The following REPS1 variants were observed in gnomAD, a reference collection of about 807,000 sequenced individuals.
The protein encoded by REPS1 is ralBP1-associated Eps domain-containing protein 1.
Under a neutral mutation model 100.9 loss-of-function variants are expected in REPS1, and 39 were observed. That is an observed-to-expected ratio of 0.39 (90% CI 0.30 to 0.50). The LOEUF (loss-of-function observed/expected upper bound fraction) is 0.50, where lower values mean the gene tolerates loss of function less well. REPS1 is among the 20% of genes least tolerant of loss of function. The pLI, the probability that REPS1 is intolerant of heterozygous loss-of-function variation, is 0.86. For missense variants in REPS1, 821 were observed against 968.5 expected (o/e 0.85, Z 2.02); for synonymous variants, 324 against 340.3 (o/e 0.95, Z 0.53).
intron 10 of REPS1, among the ~76,000 whole-genome samples, chr6:138,921,362 T>TA (rs1170894441): frequency 2.6e-5 from 4 of 151,556 alleles, no homozygotes; most frequent in African/African-American, 9.7e-5. Flanking sequence ...GTGGAGTGAT[T>TA]AAAGATTTAC....
At chr6:138,905,493 T>G (rs2750411) in intron 19 of REPS1, among the ~76,000 whole-genome samples, 59,766 of 138,846 alleles carry the variant, frequency 0.43, 13,467 homozygotes, top group Admixed American at 0.52. Flanking sequence ...GGGTTTCACC[T>G]TGTTAGCCAG....
At chr6:138,934,456 G>A (rs574573827) in intron 8 of REPS1, 63 of 365,614 alleles carry the variant, frequency 1.7e-4, no homozygotes, top group African/African-American at 1.2e-3. Flanking sequence ...ACTGACCTAC[G>A]GCTTATTCTA....
Position 138,904,967 on chromosome 6 carries a change from T to C in REPS1, c.*97A>G. 1.2e-6 allele frequency: 1 copy of C among 851,630 alleles called. No individual in the cohort carries two copies. The allele number at this position is 851,630 out of a possible 1,614,324, so 52.8% of individuals were successfully genotyped here. A position where few individuals can be genotyped will look rare whatever the true frequency, so the allele number is the denominator to read the frequency against. On this transcript the variant is annotated 3_prime_UTR_variant, in exon 20 of 20. Transcript: ENST00000450536. ...CAAAACAGAATCATAAAATTTAATG[T>C]TGAGTTAAGCAGTGAGCTGAATGTC... is the stretch of plus-strand genomic sequence containing the variant.
At chr6:138,948,032 C>T in intron 1 of REPS1, 119 bp from the exon 2 acceptor site, 1 of 800,522 alleles carries the variant, frequency 1.2e-6, no homozygotes, top group Non-Finnish European at 1.7e-6. Context: ...TGGTATAATA[C>T]TCACAACTGA....
At chr6:138,923,917 GT>G (rs754648947) in intron 10 of REPS1, among the ~76,000 whole-genome samples, 1 of 149,290 alleles carries the variant, frequency 6.7e-6, no homozygotes, top group African/African-American at 2.6e-5. Context: ...GAAGAGTAGA[GT>G]TTTTCCCCCC....
intron 19 of REPS1, among the ~76,000 whole-genome samples, chr6:138,905,534 A>G (rs953633805): frequency 6.7e-6 from 1 of 148,328 alleles, no homozygotes; most frequent in Admixed American, 6.7e-5. Flanking sequence ...CTCATGATCC[A>G]CCCGCCTCGG....
intron 1 of REPS1, among the ~76,000 whole-genome samples, chr6:138,961,438 G>A (rs1196166974): frequency 2.0e-5 from 3 of 151,964 alleles, no homozygotes; most frequent in Non-Finnish European, 2.9e-5. Context: ...GGGGATCCAG[G>A]ATGGTCTCGA....
At chr6:138,974,308 A>G (rs539009754) in intron 1 of REPS1, among the ~76,000 whole-genome samples, 1 of 152,284 alleles carries the variant, frequency 6.6e-6, no homozygotes, top group East Asian at 1.9e-4. Context: ...TTTCCTATTA[A>G]TAAAAAATAA....
intron 19 of REPS1, among the ~76,000 whole-genome samples, chr6:138,906,264 T>C (rs1779645181): frequency 6.6e-6 from 1 of 152,218 alleles, no homozygotes; most frequent in South Asian, 2.1e-4. Flanking sequence ...GTTTATCAAA[T>C]GCCTAAAATA....
intron 1 of REPS1, among the ~76,000 whole-genome samples, chr6:138,980,692 G>A (rs1198744469): frequency 2.9e-5 from 4 of 135,978 alleles, no homozygotes; most frequent in African/African-American, 1.1e-4. Context: ...GGGCGGGGGG[G>A]GGGGGGAACG....
At chr6:138,908,852 T>C (rs757338303) in intron 17 of REPS1, 36 bp from the exon 18 acceptor site, 1 of 1,601,002 alleles carries the variant, frequency 6.2e-7, no homozygotes, top group Non-Finnish European at 8.5e-7. Context: ...ATAAGCATTT[T>C]TGAAGACATT....
chr6:138,981,163 G>C (rs1029548319), intron 1 of REPS1, among the ~76,000 whole-genome samples: 1 of 152,114 alleles, frequency 6.6e-6, no homozygotes, highest in Non-Finnish European at 1.5e-5. Context: ...GAATCTCAAC[G>C]GAATCAACAG....
chr6:138,911,277 A>T lies in REPS1; in HGVS notation c.2066T>A (p.Val689Glu). ...EKTAASAPANVSKGTTPLAPP... is the reference protein window; with the variant it reads ...EKTAASAPANESKGTTPLAPP... Reference sequence around the variant, plus strand: ...TATTATAAAAGACATTTTGCATACCACATTGGCAGGAGCACTAGCAGCTGT... The same window carrying T: ...TATTATAAAAGACATTTTGCATACCTCATTGGCAGGAGCACTAGCAGCTGT... The change falls in exon 17 of 20, where the codon GTG becomes GAG. Residue 689 changes from valine to glutamate, a missense_variant and splice_region_variant. Around this residue, in one of 3 missense-constraint regions of REPS1, gnomAD observed 757 missense variants for 866.4 expected, o/e 0.87. Coordinates refer to ENST00000450536, the MANE Select transcript of REPS1 (RefSeq NM_001286611.2). 3 of 1,589,358 alleles carry T rather than the reference A, an allele frequency of 1.9e-6. No homozygotes were observed. The highest frequency in any genetic ancestry group is 2.6e-6 in the Non-Finnish European group (3 of 1,157,750).
At chr6:138,958,543 G>A (rs1783541422) in intron 1 of REPS1, among the ~76,000 whole-genome samples, 2 of 151,902 alleles carry the variant, frequency 1.3e-5, no homozygotes, top group African/African-American at 4.8e-5. Context: ...TCCCCTCCCT[G>A]TGTCTATGTG....
intron 8 of REPS1, among the ~76,000 whole-genome samples, chr6:138,936,622 T>TG (rs781284903): frequency 0.018 from 896 of 48,708 alleles, 27 homozygotes; most frequent in African/African-American, 0.054. Flanking sequence ...AGAGTATGTT[T>TG]GGGGGGGGGT....
chr6:138,932,448 T>C (rs1268914493), intron 8 of REPS1, among the ~76,000 whole-genome samples: 1 of 140,368 alleles, frequency 7.1e-6, no homozygotes, highest in African/African-American at 3.0e-5. Flanking sequence ...CTTACAGTTA[T>C]TGTATTCCTT....
intron 8 of REPS1, among the ~76,000 whole-genome samples, chr6:138,932,981 AT>A (rs1562530070): frequency 1.3e-5 from 2 of 152,200 alleles, no homozygotes; most frequent in African/African-American, 2.4e-5. Flanking sequence ...CTTTTTAAAT[AT>A]TTTTATAATG....
Position 138,904,985 on chromosome 6 carries a change from T to C in REPS1, c.*79A>G. 9.0e-7 allele frequency: 1 copy of C among 1,114,532 alleles called. No homozygotes were observed. Among genetic ancestry groups the C allele is most frequent in the Non-Finnish European group, 1.4e-6 (1 of 731,416 alleles). The allele number at this position is 1,114,532 out of a possible 1,614,324, so 69.0% of individuals were successfully genotyped here. A position where few individuals can be genotyped will look rare whatever the true frequency, so the allele number is the denominator to read the frequency against. On this transcript the variant is annotated 3_prime_UTR_variant, in exon 20 of 20. Transcript: ENST00000450536. ...TTTAATGTTGAGTTAAGCAGTGAGC[T>C]GAATGTCTAGGTCTCCAAATTGGCT...
intron 19 of REPS1, 153 bp downstream of exon 19, chr6:138,907,342 C>T (rs1029848819): frequency 5.3e-4 from 145 of 271,028 alleles, no homozygotes; most frequent in Admixed American, 2.0e-3. Context: ...GTGTGTGTGG[C>T]GGGGAGGGGT....
Sources: gnomAD v4.1 joint callset for allele counts (sites outside exome capture counted in the v4.1 genomes callset) on GRCh38, gnomAD v4.1.1 for gene constraint, gnomAD v4.1.1 regional missense constraint, MANE v1.5 for transcripts, NCBI Gene and HGNC (gene_info 2026-07-23, HGNC 2026-07-21) for gene names.